The following SLIT2 variants were observed in gnomAD, a reference collection of about 807,000 sequenced individuals.
The protein encoded by SLIT2 is slit homolog 2 protein.
A neutral mutation model predicts 185.7 loss-of-function variants in SLIT2; 41 were observed. The ratio of observed to expected loss-of-function variants is 0.22; its 90% CI spans 0.17 to 0.29. The LOEUF (loss-of-function observed/expected upper bound fraction) is 0.29. Ranked by LOEUF, SLIT2 falls within the 10% of genes least tolerant of loss-of-function variation. The pLI, the probability that SLIT2 is intolerant of heterozygous loss-of-function variation, is 1.00. For synonymous variants in SLIT2, 693 were observed against 680.2 expected, an observed-to-expected ratio of 1.02 and a Z score of -0.29; for missense variants, 1,571 against 1,909.0, an observed-to-expected ratio of 0.82 and a Z score of 3.30.
intron 29 of SLIT2, chr4:20,569,327 C>T (rs191660108): frequency 6.8e-6 from 2 of 293,942 alleles, no homozygotes; most frequent in East Asian, 1.7e-4. Context: ...CAAACCAATC[C>T]CCAGTACCTG....
At chr4:20,503,270 G>T (rs964836845) in intron 9 of SLIT2, among the ~76,000 whole-genome samples, 2 of 152,076 alleles carry the variant, frequency 1.3e-5, no homozygotes, top group Non-Finnish European at 2.9e-5. Flanking sequence ...CTCAGTGCAG[G>T]GGTGGAGAAT....
At chr4:20,481,952 A>G (rs909401425) in intron 6 of SLIT2, among the ~76,000 whole-genome samples, 2 of 152,062 alleles carry the variant, frequency 1.3e-5, no homozygotes, top group African/African-American at 4.8e-5. Flanking sequence ...CTTTGTTTCT[A>G]TTGATAATGG....
chr4:20,600,258 G>T (rs1391647315), intron 33 of SLIT2, among the ~76,000 whole-genome samples: 2 of 151,750 alleles, frequency 1.3e-5, no homozygotes, highest in Non-Finnish European at 2.9e-5. Flanking sequence ...ATCACATATG[G>T]CAAAATATTT....
chr4:20,559,798 CTTAAGT>C (rs1453783013), intron 26 of SLIT2, among the ~76,000 whole-genome samples: 1 of 151,868 alleles, frequency 6.6e-6, no homozygotes, highest in Non-Finnish European at 1.5e-5. Context: ...AAGCTTACTG[CTTAAGT>C]TTATTTTAAA....
chr4:20,607,594 C>T (rs571532511), intron 33 of SLIT2, among the ~76,000 whole-genome samples: 1 of 152,260 alleles, frequency 6.6e-6, no homozygotes, highest in East Asian at 1.9e-4. Flanking sequence ...AAACTACCTA[C>T]CTCCAAGTTC....
At chr4:20,398,544 C>G (rs1421231089) in intron 4 of SLIT2, among the ~76,000 whole-genome samples, 1 of 151,734 alleles carries the variant, frequency 6.6e-6, no homozygotes, top group Non-Finnish European at 1.5e-5. Flanking sequence ...GATGTTTTAT[C>G]TACTTTCAGC....
chr4:20,523,717 A>G (rs769853056), intron 12 of SLIT2, 43 bp from the exon 13 acceptor site: 3 of 1,580,884 alleles, frequency 1.9e-6, no homozygotes, highest in Non-Finnish European at 2.6e-6. Flanking sequence ...AGGTGAGTTA[A>G]TAAGATGCTA....
At chr4:20,304,989 G>C (rs560569856) in intron 4 of SLIT2, among the ~76,000 whole-genome samples, 1 of 152,194 alleles carries the variant, frequency 6.6e-6, no homozygotes, top group African/African-American at 2.4e-5. Context: ...CAAAGTACAA[G>C]ATAAGTAGTT....
intron 4 of SLIT2, among the ~76,000 whole-genome samples, chr4:20,336,680 TAAAGAAAAA>T (rs1720527803): frequency 6.6e-6 from 1 of 150,874 alleles, no homozygotes; most frequent in Middle Eastern, 3.5e-3. Context: ...TAAAGTATAA[TAAAGAAAAA>T]AAAGAAAAAA....
chr4:20,269,910 C>G (rs867404657), intron 4 of SLIT2, among the ~76,000 whole-genome samples: 5 of 151,834 alleles, frequency 3.3e-5, no homozygotes, highest in African/African-American at 1.2e-4. Flanking sequence ...ACCTTAACAA[C>G]CTTAACTTAC....
At chr4:20,286,658 T>C (rs1339662754) in intron 4 of SLIT2, among the ~76,000 whole-genome samples, 2 of 152,004 alleles carry the variant, frequency 1.3e-5, no homozygotes, top group Non-Finnish European at 2.9e-5. Context: ...AAAAATTAGA[T>C]GGGCGTGGTA....
At chr4:20,291,048 A>AT (rs573434665) in intron 4 of SLIT2, among the ~76,000 whole-genome samples, 15 of 149,806 alleles carry the variant, frequency 1.0e-4, no homozygotes, top group South Asian at 2.1e-4. Context: ...GCACCCAACT[A>AT]TTTTTTTTTC....
rs1339529950 is a variant in SLIT2 at position 20,388,888 on chromosome 4, C to CATAATATATATAATATATACAT, written c.396-78844_396-78823dup. ...AATATAATATATAATATATATAAAACATAATATATATAATATATACATATA... is the reference window on the plus strand; with the variant it reads ...AATATAATATATAATATATATAAAACATAATATATATAATATATACATATAATATATATAATATATACATATA... On this transcript the variant is annotated intron_variant, in intron 4 of 36. Coordinates refer to ENST00000504154, the MANE Select transcript of SLIT2 (RefSeq NM_004787.4). 3.8e-5 allele frequency among the ~76,000 whole-genome samples: 5 copies of CATAATATATATAATATATACAT among 133,066 alleles called. No homozygotes were observed. In the East Asian group the frequency reaches 1.1e-3, roughly 28 times the overall value. 87.3% of individuals were successfully genotyped at this position (133,066 alleles called of 152,430 possible). A position where few individuals can be genotyped will look rare whatever the true frequency, so the allele number is the denominator to read the frequency against.
chr4:20,511,590 T>TTTTTTTTTTTATTA (rs1332041480), intron 11 of SLIT2, among the ~76,000 whole-genome samples: 23 of 131,518 alleles, frequency 1.7e-4, no homozygotes, highest in African/African-American at 6.2e-4. Context: ...CCAGCTAATT[T>TTTTTTTTTTTATTA]TTTTTTTTTT....
At position 20,567,539 on chromosome 4, in the gene SLIT2, A is replaced by C; in HGVS notation, c.2872A>C (p.Ile958Leu). Residue 958 changes from isoleucine (I) to leucine (L), a missense_variant, in exon 28 of 37, where the codon ATT becomes CTT. Transcript: ENST00000504154. Reference protein sequence around the residue: ...GFKGQDCDVPIHACISNPCKH... With the variant: ...GFKGQDCDVPLHACISNPCKH... ...CCAGGGGCAGGACTGTGATGTCCCA[A>C]TTCATGCCTGCATCAGTAACCCATG... 1.2e-6 allele frequency: 2 copies of C among 1,613,354 alleles called. No individual in the cohort carries two copies. Among genetic ancestry groups the C allele is most frequent in the Non-Finnish European group, 1.7e-6 (2 of 1,179,506 alleles).
intron 4 of SLIT2, among the ~76,000 whole-genome samples, chr4:20,386,194 C>A (rs1724925985): frequency 6.6e-6 from 1 of 152,088 alleles, no homozygotes; most frequent in Non-Finnish European, 1.5e-5. Context: ...TTGTATTAAG[C>A]TGAATGATCT....
chr4:20,448,508 A>G (rs1712083703), intron 4 of SLIT2, among the ~76,000 whole-genome samples: 1 of 151,954 alleles, frequency 6.6e-6, no homozygotes, highest in South Asian at 2.1e-4. Flanking sequence ...TTTAGTAGAG[A>G]TGGGGTTTTG....
At chr4:20,552,671 G>A (rs1277860397) in intron 25 of SLIT2, 1 of 152,022 alleles carries the variant, frequency 6.6e-6, no homozygotes, top group African/African-American at 2.4e-5. Context: ...CTTAAACGGG[G>A]CATTAAAACT....
intron 26 of SLIT2, among the ~76,000 whole-genome samples, chr4:20,560,583 C>T (rs1473254746): frequency 1.3e-5 from 2 of 151,940 alleles, no homozygotes; most frequent in Admixed American, 1.3e-4. Context: ...TTTTTGTCCT[C>T]TCCAGATAGT....
Sources: allele counts gnomAD v4.1 joint callset (sites outside exome capture counted in the v4.1 genomes callset), GRCh38; gene constraint gnomAD v4.1.1; transcripts MANE v1.5; gene names NCBI Gene and HGNC (gene_info 2026-07-23, HGNC 2026-07-21).